The following ANKFN1 variants were observed in gnomAD, a reference collection of about 807,000 sequenced individuals.
ANKFN1 encodes ankyrin repeat and fibronectin type-III domain-containing protein 1.
ANKFN1 carries 74 observed loss-of-function variants against 108.7 expected under a neutral mutation model. That is an observed-to-expected ratio of 0.68 (90% CI 0.56 to 0.83). The LOEUF (loss-of-function observed/expected upper bound fraction) is 0.83, where lower values mean the gene tolerates loss of function less well. Ranked by LOEUF, ANKFN1 falls within the 40% of genes least tolerant of loss-of-function variation. The pLI, the probability that ANKFN1 is intolerant of heterozygous loss-of-function variation, is 0.00. For synonymous variants in ANKFN1, 547 were observed against 516.2 expected, an observed-to-expected ratio of 1.06 and a Z score of -0.81; for missense variants, 1,505 against 1,382.3, an observed-to-expected ratio of 1.09 and a Z score of -1.41.
At chr17:56,180,116 T>C (rs528567679) in intron 1 of ANKFN1, among the ~76,000 whole-genome samples, 1 of 152,264 alleles carries the variant, frequency 6.6e-6, no homozygotes, top group South Asian at 2.1e-4. Flanking sequence ...ACATGGAGTA[T>C]TGGTGGGCAC....
intron 4 of ANKFN1, among the ~76,000 whole-genome samples, chr17:56,064,344 T>C (rs1274987464): frequency 6.6e-6 from 1 of 152,216 alleles, no homozygotes; most frequent in Non-Finnish European, 1.5e-5. Flanking sequence ...AGGCTAAGTG[T>C]GCTGGTCTGC....
At chr17:56,505,121 A>G (rs1034955351) in intron 20 of ANKFN1, among the ~76,000 whole-genome samples, 11 of 152,110 alleles carry the variant, frequency 7.2e-5, no homozygotes, top group Non-Finnish European at 1.5e-4. Context: ...TTTTAAGACA[A>G]TTGTTCTTTC....
At chr17:56,343,122 TCTG>T (rs2046003523) in intron 4 of ANKFN1, among the ~76,000 whole-genome samples, 1 of 152,014 alleles carries the variant, frequency 6.6e-6, no homozygotes, top group Non-Finnish European at 1.5e-5. Flanking sequence ...GATTGCAAAT[TCTG>T]CTTTTTTCTG....
chr17:56,321,461 G>GA (rs34327424), intron 3 of ANKFN1, among the ~76,000 whole-genome samples: 16,619 of 98,882 alleles, frequency 0.17, 1,152 homozygotes, highest in East Asian at 0.31. Flanking sequence ...CACTCCCTAA[G>GA]AAAAAAAAAA....
chr17:56,175,228 G>A (rs1911037995), intron 1 of ANKFN1, among the ~76,000 whole-genome samples: 1 of 152,178 alleles, frequency 6.6e-6, no homozygotes, highest in African/African-American at 2.4e-5. Flanking sequence ...TCTGGAAAAG[G>A]TTACTTATAA....
intron 8 of ANKFN1, among the ~76,000 whole-genome samples, chr17:56,432,037 T>C (rs1440758582): frequency 6.6e-6 from 1 of 152,228 alleles, no homozygotes; most frequent in Non-Finnish European, 1.5e-5. Flanking sequence ...TCTTGGCCTG[T>C]GGAAGCGCTG....
chr17:56,381,314 C>A lies in ANKFN1; in HGVS notation c.910+6600C>A, dbSNP rs140495513. ...ATCACCATCATCAAAGACCAAAAGT[C>A]GATAAAACCACAAAAATGGGGAAAA... On this transcript the variant is annotated intron_variant, in intron 8 of 20. Coordinates refer to ENST00000682825, the MANE Select transcript of ANKFN1 (RefSeq NM_001370326.1). 5.0e-3 allele frequency among the ~76,000 whole-genome samples: 764 copies of A among 152,142 alleles called. 4 individuals carry two copies. Among genetic ancestry groups the A allele is most frequent in the Non-Finnish European group, 8.6e-3 (586 of 68,014 alleles).
chr17:56,220,696 AGGAAAG>A (rs143215264), intron 2 of ANKFN1, among the ~76,000 whole-genome samples: 3,995 of 146,758 alleles, frequency 0.027, 206 homozygotes, highest in African/African-American at 0.099. Flanking sequence ...AAGAAAGGAA[AGGAAAG>A]GGAAAGGGAA....
intron 10 of ANKFN1, 84 bp downstream of exon 10, chr17:56,443,017 T>C (rs1294675494): frequency 7.3e-6 from 10 of 1,360,636 alleles, no homozygotes; most frequent in East Asian, 2.3e-5. Context: ...GCCATTCCCT[T>C]CCCCCACTGC....
intron 14 of ANKFN1, 139 bp from the exon 15 acceptor site, chr17:56,466,217 T>C: frequency 1.4e-6 from 1 of 710,442 alleles, no homozygotes; most frequent in African/African-American, 1.8e-5. Context: ...CCATATATTC[T>C]AGGTTTAAGT....
chr17:56,165,613 G>A (rs1196399113), intron 1 of ANKFN1, among the ~76,000 whole-genome samples: 3 of 152,162 alleles, frequency 2.0e-5, no homozygotes, highest in East Asian at 1.9e-4. Flanking sequence ...GATGCTTGGC[G>A]TCATATAGAC....
intron 1 of ANKFN1, among the ~76,000 whole-genome samples, chr17:56,175,439 C>CACAAAGATG (rs1911059721): frequency 6.6e-6 from 1 of 152,298 alleles, no homozygotes; most frequent in Middle Eastern, 3.4e-3. Context: ...CCTGTGTTGT[C>CACAAAGATG]ACAAAGATGA....
chr17:56,196,557 G>A (rs1174841697), intron 1 of ANKFN1, among the ~76,000 whole-genome samples: 1 of 151,960 alleles, frequency 6.6e-6, no homozygotes, highest in Non-Finnish European at 1.5e-5. Context: ...AACATAATGA[G>A]ACCCCTGTCA....
intron 1 of ANKFN1, among the ~76,000 whole-genome samples, chr17:56,193,258 G>T (rs1285344177): frequency 1.7e-5 from 2 of 118,140 alleles, no homozygotes; most frequent in African/African-American, 6.5e-5. Flanking sequence ...GTGGTGGGGA[G>T]GGGGGAGGGG....
At chr17:56,268,547 C>T (rs1220695978) in intron 3 of ANKFN1, among the ~76,000 whole-genome samples, 1 of 152,078 alleles carries the variant, frequency 6.6e-6, no homozygotes, top group Non-Finnish European at 1.5e-5. Flanking sequence ...AAACCAATCC[C>T]AAGGCTGGCA....
At chr17:56,418,708 C>T (rs1455737497) in intron 8 of ANKFN1, among the ~76,000 whole-genome samples, 1 of 151,380 alleles carries the variant, frequency 6.6e-6, no homozygotes, top group African/African-American at 2.4e-5. Flanking sequence ...TTCTCAAGGT[C>T]ACAAAATTAT....
At chr17:56,471,656 C>T (rs551497884) in intron 15 of ANKFN1, 4 of 152,102 alleles carry the variant, frequency 2.6e-5, no homozygotes, top group African/African-American at 4.8e-5. Flanking sequence ...AAACAACTGA[C>T]GAATGGGTAA....
At chr17:56,331,763 T>C (rs1567919793) in intron 4 of ANKFN1, among the ~76,000 whole-genome samples, 2 of 152,190 alleles carry the variant, frequency 1.3e-5, no homozygotes, top group Non-Finnish European at 2.9e-5. Context: ...TATTATTATA[T>C]CTTGTTTTAG....
chr17:56,099,576 C>T (rs890042461), intron 4 of ANKFN1, among the ~76,000 whole-genome samples: 2 of 152,154 alleles, frequency 1.3e-5, no homozygotes, highest in Non-Finnish European at 2.9e-5. Flanking sequence ...TGATTAAACC[C>T]AGTCCTTATT....
Sources: allele counts gnomAD v4.1 joint callset (sites outside exome capture counted in the v4.1 genomes callset), GRCh38; gene constraint gnomAD v4.1.1; transcripts MANE v1.5; gene names NCBI Gene and HGNC (gene_info 2026-07-23, HGNC 2026-07-21).